PCLAF: variants seen among roughly 807,000 people sequenced by gnomAD.
PCLAF encodes the protein PCNA clamp associated factor.
A neutral mutation model predicts 15.1 loss-of-function variants in PCLAF; 12 were observed. That is an observed-to-expected ratio of 0.79 (90% CI 0.51 to 1.29). The LOEUF is 1.29. PCLAF is among the 50% of genes most tolerant of loss of function. The probability of loss-of-function intolerance (pLI) is 0.00; values close to 1 mark genes in which losing one functional copy is unlikely to be tolerated. For synonymous variants in PCLAF, 33 were observed against 47.1 expected (o/e 0.70, Z 1.22); for missense variants, 116 against 130.9 (o/e 0.89, Z 0.56).
At chr15:64,367,068 A>G (rs1317420881) in intron 3 of PCLAF, among the ~76,000 whole-genome samples, 1 of 152,180 alleles carries the variant, frequency 6.6e-6, no homozygotes, top group Admixed American at 6.5e-5. Flanking sequence ...GCAGTCAGCC[A>G]TGATTGATTG....
At chr15:64,369,592 G>C (rs1026485357) in intron 3 of PCLAF, among the ~76,000 whole-genome samples, 2 of 151,934 alleles carry the variant, frequency 1.3e-5, no homozygotes, top group African/African-American at 4.8e-5. Flanking sequence ...GTCTCACTTT[G>C]TTGCCCAGGC....
At chr15:64,368,799 C>G (rs1473360767) in intron 3 of PCLAF, among the ~76,000 whole-genome samples, 1 of 150,402 alleles carries the variant, frequency 6.6e-6, no homozygotes, top group Admixed American at 6.6e-5. Flanking sequence ...AATCTCTTTT[C>G]ATATGGTGGG....
chr15:64,372,601 G>A (rs552044566), intron 3 of PCLAF, among the ~76,000 whole-genome samples: 46 of 152,104 alleles, frequency 3.0e-4, no homozygotes, highest in South Asian at 2.3e-3. Context: ...GCGACAGAGC[G>A]AGACTCCATC....
chr15:64,381,574 G>T, upstream of PCLAF: 1 of 1,414,936 alleles, frequency 7.1e-7, no homozygotes, highest in Non-Finnish European at 9.3e-7. Flanking sequence ...TGGTGACAGC[G>T]GCGAGGCTTC....
At chr15:64,369,877 T>C (rs1331387734) in intron 3 of PCLAF, among the ~76,000 whole-genome samples, 1 of 152,140 alleles carries the variant, frequency 6.6e-6, no homozygotes, top group Non-Finnish European at 1.5e-5. Context: ...AGATATAGAA[T>C]GTACAAATAA....
chr15:64,364,953 G>A lies in PCLAF; in HGVS notation c.*1077C>T, dbSNP rs1225839136. On this transcript the variant is annotated 3_prime_UTR_variant, in exon 4 of 4. Transcript: ENST00000300035. ...CCTGCCTTGGCCTCCCAAAGTGCTGGGATTACAGGTGTGAGCCACTGCACT... is the reference window on the plus strand; with the variant it reads ...CCTGCCTTGGCCTCCCAAAGTGCTGAGATTACAGGTGTGAGCCACTGCACT... 4.6e-5 allele frequency: 7 copies of A among 151,278 alleles called. No homozygotes were observed. The highest frequency in any genetic ancestry group is 1.7e-4 in the African/African-American group (7 of 41,180). The allele number at this position is 151,278 out of a possible 1,614,324, so 9.4% of individuals were successfully genotyped here. A position where few individuals can be genotyped will look rare whatever the true frequency, so the allele number is the denominator to read the frequency against.
chr15:64,380,152 G>A (rs1899765558), intron 2 of PCLAF, among the ~76,000 whole-genome samples: 1 of 152,034 alleles, frequency 6.6e-6, no homozygotes, highest in Admixed American at 6.6e-5. Context: ...GGAAGCTGAG[G>A]CAGGCAGATC....
At chr15:64,385,672 A>G (rs541707459), upstream of PCLAF, among the ~76,000 whole-genome samples, 47 of 151,240 alleles carry the variant, frequency 3.1e-4, no homozygotes, top group African/African-American at 1.1e-3. Context: ...AAATACCTAG[A>G]TAACTTGTAA....
chr15:64,373,574 T>A, intron 3 of PCLAF: 1 of 1,435,922 alleles, frequency 7.0e-7, no homozygotes, highest in Non-Finnish European at 9.1e-7. Flanking sequence ...GTTGGAGGGC[T>A]TTGTGGTTTC....
At chr15:64,366,218 T>G in intron 3 of PCLAF, 143 bp from the exon 4 acceptor site, 1 of 492,628 alleles carries the variant, frequency 2.0e-6, no homozygotes, top group Non-Finnish European at 3.4e-6. Context: ...AAAATTAAAC[T>G]TCATTAATTA....
upstream of PCLAF, among the ~76,000 whole-genome samples, chr15:64,384,569 C>G (rs1481812761): frequency 6.7e-6 from 1 of 150,234 alleles, no homozygotes; most frequent in African/African-American, 2.4e-5. Context: ...ATGGTGAAAC[C>G]CCATCTCTAC....
chr15:64,384,639 G>A (rs1899897663), upstream of PCLAF, among the ~76,000 whole-genome samples: 1 of 151,246 alleles, frequency 6.6e-6, no homozygotes, highest in African/African-American at 2.4e-5. Context: ...CTACTTGGGA[G>A]GCTGAGGCAG....
At chr15:64,371,049 A>C (rs537538404) in intron 3 of PCLAF, among the ~76,000 whole-genome samples, 57 of 148,684 alleles carry the variant, frequency 3.8e-4, no homozygotes, top group Non-Finnish European at 5.9e-4. Flanking sequence ...GCTCACTGCA[A>C]GCTCCGCCTC....
chr15:64,377,505 A>G (rs1462224870), intron 2 of PCLAF, among the ~76,000 whole-genome samples: 1 of 73,350 alleles, frequency 1.4e-5, no homozygotes, highest in Non-Finnish European at 2.6e-5. Context: ...ATATATATAT[A>G]TATATATATA....
chr15:64,372,700 G>A (rs1189423177), intron 3 of PCLAF, among the ~76,000 whole-genome samples: 1 of 151,566 alleles, frequency 6.6e-6, no homozygotes, highest in Non-Finnish European at 1.5e-5. Context: ...TTGGCCAGGC[G>A]CAGTGGCTCA....
chr15:64,381,089 C>T, intron 1 of PCLAF, 51 bp from the exon 2 acceptor site: 2 of 1,559,170 alleles, frequency 1.3e-6, no homozygotes, highest in Non-Finnish European at 1.8e-6. Flanking sequence ...AGGGTTCCGA[C>T]ACCGAGTCCT....
At chr15:64,381,471 T>C (rs1899820729), upstream of PCLAF, 4 of 1,608,398 alleles carry the variant, frequency 2.5e-6, no homozygotes, top group Admixed American at 1.7e-5. Flanking sequence ...ACAGTTTATA[T>C]TGGTCTCTTT....
Position 64,378,370 on chromosome 15 carries a change from T to C in PCLAF, c.128-1465A>G, listed in dbSNP as rs540221299. On this transcript the variant is annotated intron_variant, in intron 2 of 3. Transcript: ENST00000300035. ...AAAACATTTGCTTTAACAACTCTAG[T>C]TGTTAAAGAATGCTTACAAAAGTTG... is the stretch of plus-strand genomic sequence containing the variant. 2.6e-5 allele frequency among the ~76,000 whole-genome samples: 4 copies of C among 152,280 alleles called. No individual in the cohort carries two copies. The East Asian group carries it at 5.8e-4, about 22-fold the overall frequency.
chr15:64,365,743 G>A lies in PCLAF; in HGVS notation c.*287C>T, dbSNP rs888118263. On this transcript the variant is annotated 3_prime_UTR_variant, in exon 4 of 4. Transcript: ENST00000300035. ...AGCAAATCTCAAATACAACATACTTGTAATTAGAACACAATGCAATGACTT... is the reference window on the plus strand; with the variant it reads ...AGCAAATCTCAAATACAACATACTTATAATTAGAACACAATGCAATGACTT... 7 of 358,590 alleles carry A rather than the reference G, an allele frequency of 2.0e-5. No individual in the cohort carries two copies. The allele number at this position is 358,590 out of a possible 1,614,324, so 22.2% of individuals were successfully genotyped here. A position where few individuals can be genotyped will look rare whatever the true frequency, so the allele number is the denominator to read the frequency against.
Sources: gnomAD v4.1 joint callset for allele counts (sites outside exome capture counted in the v4.1 genomes callset) on GRCh38, gnomAD v4.1.1 for gene constraint, MANE v1.5 for transcripts, NCBI Gene and HGNC (gene_info 2026-07-23, HGNC 2026-07-21) for gene names.